Variants in F8 observed in about 807,000 individuals in gnomAD.
F8 encodes coagulation factor VIII.
F8 carries 12 observed loss-of-function variants against 140.6 expected under a neutral mutation model. The ratio of observed to expected loss-of-function variants is 0.09; its 90% CI spans 0.05 to 0.14. F8 has a LOEUF of 0.14. Ranked by LOEUF, F8 falls within the 10% of genes least tolerant of loss-of-function variation. The probability of loss-of-function intolerance (pLI) is 1.00; values close to 1 mark genes in which losing one functional copy is unlikely to be tolerated. For missense variants in F8, 1,354 were observed against 1,720.7 expected (o/e 0.79, Z 3.77); for synonymous variants, 585 against 614.6 (o/e 0.95, Z 0.71).
rs1557271047 is a variant in F8 at position 154,837,662 on chromosome X, T to A, written c.6991A>T (p.Ser2331Cys). ...LTRYLRIHPQ[S>C]WVHQIALRME... ...CTCAGGGCAATCTGGTGCACCCAAC[T>A]CTGGGGGTGAATTCGAAGGTAGCGA... The change falls in exon 26 of 26, where the codon AGT (serine) becomes TGT (cysteine). Residue 2331 changes from serine to cysteine, a missense_variant. Physicochemically the swap from Ser to Cys is moderately radical, Grantham distance 112. Around this residue, in one of 4 missense-constraint regions of F8, gnomAD observed 316 missense variants for 485.4 expected, o/e 0.65. Transcript: ENST00000360256. The A allele has an allele frequency of 4.1e-6, 5 of 1,210,916 alleles. No individual in the cohort carries two copies. In the South Asian group the frequency reaches 8.8e-5, roughly 21 times the overall value.
intron 22 of F8, among the ~76,000 whole-genome samples, chrX:154,867,475 C>T (rs903324110): frequency 9.1e-6 from 1 of 109,715 alleles, no homozygotes; most frequent in Admixed American, 9.8e-5. Context: ...CACTTGAGGT[C>T]AGGAATTCGA....
intron 13 of F8, among the ~76,000 whole-genome samples, chrX:154,934,377 A>G (rs782322067): frequency 9.0e-6 from 1 of 111,710 alleles, no homozygotes; most frequent in East Asian, 2.8e-4. Flanking sequence ...GGCATGAACC[A>G]CTGTGCCTGG....
Position 154,930,401 on chromosome X carries a change from C to T in F8, c.3389G>A (p.Arg1130Lys). ...GTTCAGAGAGTTCTTTCCATGAGTC[C>T]TTTGTATCCACCTTGCTGATTCTGG... ...FLPESARWIQ[R>K]THGKNSLNSG... is the part of the protein sequence containing the mutation. The change falls in exon 14 of 26, where the codon AGG (arginine) becomes AAG (lysine). Residue 1130 changes from arginine to lysine, a missense_variant. By Grantham distance (26) the Arg-to-Lys change is conservative (BLOSUM62 2). Coordinates refer to ENST00000360256, the MANE Select transcript of F8 (RefSeq NM_000132.4). 1 of 1,210,947 alleles carries T rather than the reference C, an allele frequency of 8.3e-7. No individual in the cohort carries two copies. The highest frequency in any genetic ancestry group is 1.1e-6 in the Non-Finnish European group (1 of 894,973).
chrX:154,895,799 C>G (rs1416109841), intron 22 of F8, among the ~76,000 whole-genome samples: 1 of 111,437 alleles, frequency 9.0e-6, no homozygotes, highest in Non-Finnish European at 1.9e-5. Context: ...ACTATAACCT[C>G]AAACCTAGGA....
At position 154,930,500 on chromosome X, in the gene F8, T is replaced by A; in HGVS notation, c.3290A>T (p.Gln1097Leu). Residue 1097 changes from glutamine to leucine, a missense_variant, in exon 14 of 26, where the codon CAA (glutamine) becomes CTA (leucine). By Grantham distance (113) the Gln-to-Leu change is moderately radical. This residue lies in a region of F8 where 658 missense variants were observed against 666.5 expected (regional missense o/e 0.99). Coordinates refer to ENST00000360256, the MANE Select transcript of F8 (RefSeq NM_000132.4). ...TTSSKNMEMV[Q>L]QKKEGPIPPD... ...TGGAATGGGGCCCTCTTTTTTCTGT[T>A]GGACCATTTCCATGTTTTTTGATGA... The A allele has an allele frequency of 8.3e-7, 1 of 1,208,614 alleles. No homozygotes were observed. The highest frequency in any genetic ancestry group is 1.8e-5 in the South Asian group (1 of 56,813).
At chrX:155,007,476 T>C (rs914224465) in intron 1 of F8, among the ~76,000 whole-genome samples, 2 of 111,546 alleles carry the variant, frequency 1.8e-5, no homozygotes, top group Non-Finnish European at 1.9e-5. Context: ...CAATATGCCA[T>C]ATTGGGCCCA....
chrX:154,837,540 G>T lies in F8; in HGVS notation c.*57C>A. On this transcript the variant is annotated 3_prime_UTR_variant, in exon 26 of 26. Coordinates refer to ENST00000360256, the MANE Select transcript of F8 (RefSeq NM_000132.4). Reference sequence around the variant, plus strand: ...AGAAGGCAAGCCAGGGAGGGACACTGCCCTGGAGCTGAGGAGGGAGAGGTG... The same window carrying T: ...AGAAGGCAAGCCAGGGAGGGACACTTCCCTGGAGCTGAGGAGGGAGAGGTG... 6 of 1,152,557 alleles carry T rather than the reference G, an allele frequency of 5.2e-6. No individual in the cohort carries two copies. The East Asian group carries it at 1.9e-4, about 36-fold the overall frequency. The allele number at this position is 1,152,557 out of a possible 1,213,427, so 95.0% of individuals were successfully genotyped here.
At chrX:154,957,639 G>C (rs2073371728) in intron 10 of F8, among the ~76,000 whole-genome samples, 1 of 111,009 alleles carries the variant, frequency 9.0e-6, no homozygotes, top group African/African-American at 3.3e-5. Context: ...CTGACCTATG[G>C]TTAGAGGATC....
intron 4 of F8, among the ~76,000 whole-genome samples, chrX:154,990,986 G>A (rs1251419962): frequency 8.9e-6 from 1 of 111,906 alleles, no homozygotes; most frequent in African/African-American, 3.3e-5. Context: ...CTACATCATA[G>A]CTAAGGTCAA....
chrX:154,996,062 G>C (rs191485134), intron 3 of F8, among the ~76,000 whole-genome samples: 2 of 111,253 alleles, frequency 1.8e-5, no homozygotes, highest in African/African-American at 6.5e-5. Flanking sequence ...ATCTCTCCCT[G>C]ATGTCAGCAG....
rs2073393128 is a variant in F8, at chrX:154,961,109, A to G, written c.1503T>C (p.Asp501=). The G allele has an allele frequency of 8.3e-7, 1 of 1,204,118 alleles. No individual in the cohort carries two copies. The highest frequency in any genetic ancestry group is 1.1e-6 in the Non-Finnish European group (1 of 888,381). The change falls in exon 10 of 26, where the codon GAT becomes GAC. Residue 501 remains aspartate (D), a synonymous_variant. Coordinates refer to ENST00000360256, the MANE Select transcript of F8 (RefSeq NM_000132.4). ...PYNIYPHGIT[D]VRPLYSRRLP... ...ATCTCCTTGAATACAAAGGACGGAC[A>G]TCAGTGATTCCGTGAGGGTAGATGT...
chrX:154,976,260 GCTTT>G (rs1309287548), intron 6 of F8, among the ~76,000 whole-genome samples: 2 of 111,077 alleles, frequency 1.8e-5, no homozygotes, highest in African/African-American at 6.5e-5. Flanking sequence ...AGCTATTCCT[GCTTT>G]CTTTTTGTTT....
intron 1 of F8, among the ~76,000 whole-genome samples, chrX:155,013,463 T>C (rs1413377825): frequency 2.7e-5 from 3 of 111,742 alleles, no homozygotes; most frequent in Non-Finnish European, 5.6e-5. Flanking sequence ...TCCCCAGCCA[T>C]GTGGAACTGT....
intron 25 of F8, among the ~76,000 whole-genome samples, chrX:154,844,630 C>A (rs1341723488): frequency 9.0e-6 from 1 of 111,114 alleles, no homozygotes; most frequent in African/African-American, 3.3e-5. Context: ...GTGATTTTTG[C>A]ACATTGATTT....
chrX:154,880,051 G>A (rs1327366523), intron 22 of F8, among the ~76,000 whole-genome samples: 1 of 111,914 alleles, frequency 8.9e-6, no homozygotes, highest in Admixed American at 9.5e-5. Flanking sequence ...TAATATAGCT[G>A]TATTAAATGA....
At chrX:154,904,250 C>A in intron 17 of F8, 46 bp downstream of exon 17, 1 of 1,118,250 alleles carries the variant, frequency 8.9e-7, no homozygotes, top group Non-Finnish European at 1.2e-6. Context: ...TGTCAAAGTG[C>A]AATCTGCATT....
intron 22 of F8, among the ~76,000 whole-genome samples, chrX:154,873,809 G>T (rs1025570587): frequency 9.0e-6 from 1 of 111,181 alleles, no homozygotes; most frequent in African/African-American, 3.3e-5. Flanking sequence ...AAAGAAATTG[G>T]GCCCTTTTCT....
At chrX:154,989,612 T>C (rs1244003770) in intron 4 of F8, among the ~76,000 whole-genome samples, 2 of 112,406 alleles carry the variant, frequency 1.8e-5, no homozygotes, top group Non-Finnish European at 3.8e-5. Context: ...TGGTTAATGA[T>C]GTTGAACATC....
rs202239890 is a variant in F8 at position 154,966,665 on chromosome X, T to C, written c.1032A>G (p.Lys344=). The C allele has an allele frequency of 8.3e-7, 1 of 1,209,978 alleles. No homozygotes were observed. Among genetic ancestry groups the C allele is most frequent in the East Asian group, 3.0e-5 (1 of 33,786 alleles). Residue 344 remains lysine (K), a synonymous_variant, in exon 8 of 26, where the codon AAA becomes AAG. Transcript: ENST00000360256. Reference sequence around the variant, plus strand: ...GGGGTTCCTCTGGACAGCTGTCTACTTTGACATAAGCTTCCATGCCATCTG... The same window carrying C: ...GGGGTTCCTCTGGACAGCTGTCTACCTTGACATAAGCTTCCATGCCATCTG... ...HQHDGMEAYV[K]VDSCPEEPQL...
Sources: allele counts gnomAD v4.1 joint callset (sites outside exome capture counted in the v4.1 genomes callset), GRCh38; gene constraint gnomAD v4.1.1; regional missense constraint gnomAD v4.1.1; transcripts MANE v1.5; gene names NCBI Gene and HGNC (gene_info 2026-07-23, HGNC 2026-07-21).